PRIM2: variants seen among roughly 807,000 people sequenced by gnomAD.
PRIM2 encodes DNA primase large subunit.
In PRIM2, 39 loss-of-function variants were observed where a neutral mutation model predicts 67.3. The ratio of observed to expected loss-of-function variants is 0.58; its 90% CI spans 0.45 to 0.76. The LOEUF (loss-of-function observed/expected upper bound fraction) is 0.76. Among genes scored for constraint, PRIM2 ranks in the 30% least tolerant of loss-of-function variants. PRIM2 has a pLI of 0.00. For missense variants in PRIM2, 398 were observed against 598.7 expected, an observed-to-expected ratio of 0.66 and a Z score of 3.50; for synonymous variants, 143 against 198.7, an observed-to-expected ratio of 0.72 and a Z score of 2.36.
the PRIM2 span, among the ~76,000 whole-genome samples, chr6:57,237,440 T>A: frequency 2.0e-5 from 3 of 152,220 alleles, no homozygotes; most frequent in African/African-American, 7.2e-5. Flanking sequence ...TTTTTCAATT[T>A]TGGCTTTTGT....
At chr6:57,224,636 G>GA in the PRIM2 span, among the ~76,000 whole-genome samples, 1,441 of 142,236 alleles carry the variant, frequency 0.01, 18 homozygotes, top group African/African-American at 0.028. Flanking sequence ...TTTTTAATGG[G>GA]AAAAAAAAAA....
intron 5 of PRIM2, among the ~76,000 whole-genome samples, chr6:57,355,891 C>T (rs1769015557): frequency 6.6e-6 from 1 of 152,066 alleles, no homozygotes; most frequent in African/African-American, 2.4e-5. Context: ...ATCTGCCTGC[C>T]TCGGCCTCCC....
At chr6:57,626,624 CTTTTTTTT>C (rs1159199798) in intron 12 of PRIM2, among the ~76,000 whole-genome samples, 1 of 134,002 alleles carries the variant, frequency 7.5e-6, no homozygotes, top group Admixed American at 7.6e-5. Flanking sequence ...AACTGCATTG[CTTTTTTTT>C]TTTTTTTTTA....
chr6:57,240,966 T>G, the PRIM2 span, among the ~76,000 whole-genome samples: 1 of 151,872 alleles, frequency 6.6e-6, no homozygotes, highest in Non-Finnish European at 1.5e-5. Context: ...GACTCAAGCC[T>G]GTAATCCCAG....
intron 10 of PRIM2, among the ~76,000 whole-genome samples, chr6:57,582,248 C>G (rs1776100598): frequency 1.3e-5 from 2 of 152,212 alleles, no homozygotes; most frequent in Non-Finnish European, 1.5e-5. Context: ...CTTTTAAATC[C>G]TAATTCTAAC....
intron 7 of PRIM2, among the ~76,000 whole-genome samples, chr6:57,422,678 A>C (rs1771504414): frequency 6.6e-6 from 1 of 151,914 alleles, no homozygotes; most frequent in African/African-American, 2.4e-5. Context: ...AGTGGCAATA[A>C]TACTGTTTAC....
Position 57,537,590 on chromosome 6 carries a change from C to A in PRIM2, c.985C>A (p.Gln329Lys). 6.4e-7 allele frequency: 1 copy of A among 1,554,762 alleles called. No homozygotes were observed. Among genetic ancestry groups the A allele is most frequent in the South Asian group, 1.3e-5 (1 of 78,946 alleles). The change falls in exon 10 of 14, where the codon CAA (glutamine) becomes AAA (lysine). Residue 329 changes from glutamine to lysine, a missense_variant. This residue lies in a region of PRIM2 where 229 missense variants were observed against 383.6 expected (regional missense o/e 0.60). Transcript: ENST00000615550. ...GGAACAGGCATTGCAGTTCTGGAAGCAAGAATTTATCAAAGGAAAGATGGA... is the reference window on the plus strand; with the variant it reads ...GGAACAGGCATTGCAGTTCTGGAAGAAAGAATTTATCAAAGGAAAGATGGA... Reference protein sequence around the residue: ...TLEQALQFWKQEFIKGKMDPD... With the variant: ...TLEQALQFWKKEFIKGKMDPD...
intron 7 of PRIM2, among the ~76,000 whole-genome samples, chr6:57,494,470 A>G (rs1773962416): frequency 6.6e-6 from 1 of 152,234 alleles, no homozygotes; most frequent in African/African-American, 2.4e-5. Flanking sequence ...AAAAATATCT[A>G]CTTTTCGTAA....
chr6:57,248,055 TAAG>T, the PRIM2 span, among the ~76,000 whole-genome samples: 1 of 152,214 alleles, frequency 6.6e-6, no homozygotes. Flanking sequence ...CGTGAGGAAT[TAAG>T]GAGTGTACAT....
chr6:57,614,721 G>T (rs1776723558), intron 12 of PRIM2, among the ~76,000 whole-genome samples: 1 of 152,366 alleles, frequency 6.6e-6, no homozygotes, highest in African/African-American at 2.4e-5. Flanking sequence ...GTGCTAGCGG[G>T]CGCCTGTAGT....
intron 10 of PRIM2, among the ~76,000 whole-genome samples, chr6:57,593,341 C>T (rs1776314360): frequency 6.6e-6 from 1 of 151,118 alleles, no homozygotes; most frequent in Non-Finnish European, 1.5e-5. Context: ...TCGCTTTTGT[C>T]ACCCAGGCTG....
intron 12 of PRIM2, among the ~76,000 whole-genome samples, chr6:57,621,294 C>T (rs1310752009): frequency 2.0e-5 from 3 of 152,138 alleles, no homozygotes; most frequent in Non-Finnish European, 4.4e-5. Flanking sequence ...GAAGCTGCTG[C>T]TGCTTTTTTT....
intron 7 of PRIM2, among the ~76,000 whole-genome samples, chr6:57,471,921 A>G (rs1773345056): frequency 6.6e-6 from 1 of 152,218 alleles, no homozygotes; most frequent in Non-Finnish European, 1.5e-5. Flanking sequence ...CTTTTAAAAG[A>G]TGAAAGGTAT....
the PRIM2 span, among the ~76,000 whole-genome samples, chr6:57,298,782 T>C: frequency 6.6e-6 from 1 of 152,034 alleles, no homozygotes; most frequent in Non-Finnish European, 1.5e-5. Flanking sequence ...ATAAAGAAAA[T>C]GCATTTTAGA....
chr6:57,311,621 C>T (rs1011705317), upstream of PRIM2, among the ~76,000 whole-genome samples: 18 of 152,052 alleles, frequency 1.2e-4, no homozygotes, highest in South Asian at 6.2e-4. Context: ...ACTTCCTAGA[C>T]GGGGTGACCG....
the PRIM2 span, chr6:57,221,811 G>GA: frequency 6.6e-6 from 1 of 152,426 alleles, no homozygotes; most frequent in African/African-American, 2.4e-5. Context: ...AGGGAGGGGA[G>GA]AGCCGGCGCT....
intron 7 of PRIM2, among the ~76,000 whole-genome samples, chr6:57,444,396 G>A (rs955926954): frequency 1.4e-4 from 21 of 151,866 alleles, no homozygotes; most frequent in African/African-American, 4.4e-4. Flanking sequence ...CTGAAACCCC[G>A]TCTCTACTAA....
chr6:57,540,977 C>A (rs1235868244), intron 10 of PRIM2, among the ~76,000 whole-genome samples: 2 of 152,184 alleles, frequency 1.3e-5, no homozygotes, highest in African/African-American at 4.8e-5. Flanking sequence ...GGGTATTTTT[C>A]ATCGTGTTCA....
chr6:57,243,625 C>T, the PRIM2 span, among the ~76,000 whole-genome samples: 219 of 152,232 alleles, frequency 1.4e-3, no homozygotes, highest in Non-Finnish European at 2.5e-3. Context: ...CACACCACTA[C>T]GCCCCGACTC....
Sources: gnomAD v4.1 joint callset for allele counts (sites outside exome capture counted in the v4.1 genomes callset) on GRCh38, gnomAD v4.1.1 for gene constraint, gnomAD v4.1.1 regional missense constraint, MANE v1.5 for transcripts, NCBI Gene and HGNC (gene_info 2026-07-23, HGNC 2026-07-21) for gene names.